Variants in CNR1 observed in about 807,000 individuals in gnomAD.
CNR1 encodes the protein cannabinoid receptor 1 (brain).
CNR1 carries 10 observed loss-of-function variants against 23.0 expected under a neutral mutation model. That is an observed-to-expected ratio of 0.43 (90% CI 0.27 to 0.74). The LOEUF is 0.74. Ranked by LOEUF, CNR1 falls within the 30% of genes least tolerant of loss-of-function variation. CNR1 has a pLI of 0.19. For synonymous variants in CNR1, 271 were observed against 255.2 expected, an observed-to-expected ratio of 1.06 and a Z score of -0.59; for missense variants, 422 against 618.8, an observed-to-expected ratio of 0.68 and a Z score of 3.37.
intron 1 of CNR1, among the ~76,000 whole-genome samples, chr6:88,153,302 T>G (rs1213472529): frequency 6.6e-6 from 1 of 152,236 alleles, no homozygotes; most frequent in African/African-American, 2.4e-5. Context: ...TTTTTTTTAA[T>G]GTTTATCCAG....
upstream of CNR1, among the ~76,000 whole-genome samples, chr6:88,167,080 C>G (rs1470517608): frequency 6.6e-6 from 1 of 151,866 alleles, no homozygotes; most frequent in East Asian, 1.9e-4. Context: ...TCGGGCGCGC[C>G]CCGCCCGCCG....
At chr6:88,152,309 G>C (rs1777572227) in intron 1 of CNR1, among the ~76,000 whole-genome samples, 1 of 151,134 alleles carries the variant, frequency 6.6e-6, no homozygotes, top group Admixed American at 6.6e-5. Context: ...TCCTATCAAA[G>C]CTCATCTAGG....
At chr6:88,158,411 T>C (rs1219152803) in intron 1 of CNR1, among the ~76,000 whole-genome samples, 1 of 152,056 alleles carries the variant, frequency 6.6e-6, no homozygotes, top group Non-Finnish European at 1.5e-5. Context: ...GGGCTGAAAA[T>C]TATAATATAC....
intron 1 of CNR1, among the ~76,000 whole-genome samples, chr6:88,145,750 C>T (rs893518846): frequency 1.3e-5 from 2 of 152,322 alleles, no homozygotes; most frequent in East Asian, 1.9e-4. Flanking sequence ...TGGTTGGGGC[C>T]GGCGAGAGCA....
intron 1 of CNR1, chr6:88,164,237 A>G (rs572165820): frequency 3.9e-5 from 6 of 152,356 alleles, no homozygotes; most frequent in Non-Finnish European, 8.8e-5. Flanking sequence ...ACCTCTCCCC[A>G]TCAGACACTT....
At chr6:88,161,005 G>A (rs776414770) in intron 1 of CNR1, among the ~76,000 whole-genome samples, 5 of 151,974 alleles carry the variant, frequency 3.3e-5, no homozygotes, top group African/African-American at 4.8e-5. Flanking sequence ...TGTATTTTAG[G>A]GCAAATTTAT....
At chr6:88,153,032 A>T (rs1303587923) in intron 1 of CNR1, among the ~76,000 whole-genome samples, 2 of 152,268 alleles carry the variant, frequency 1.3e-5, no homozygotes, top group Non-Finnish European at 2.9e-5. Flanking sequence ...GCTTTAAAAA[A>T]TATAGCCAAC....
intron 1 of CNR1, among the ~76,000 whole-genome samples, chr6:88,161,499 T>G (rs1028496513): frequency 1.3e-5 from 2 of 152,222 alleles, no homozygotes; most frequent in African/African-American, 4.8e-5. Context: ...ATGGAAAATA[T>G]CAATGGAAAC....
Position 88,142,431 on chromosome 6 carries a change from G to A in CNR1, c.*1425C>T, listed in dbSNP as rs562899463. 6 of 152,358 alleles carry A rather than the reference G, an allele frequency of 3.9e-5. No individual in the cohort carries two copies. The highest frequency in any genetic ancestry group is 2.1e-4 in the South Asian group (1 of 4,810). 9.4% of individuals were successfully genotyped at this position (152,358 alleles called of 1,614,324 possible). A position where few individuals can be genotyped will look rare whatever the true frequency, so the allele number is the denominator to read the frequency against. ...GTGACTGACATATTGCTCAATATTC[G>A]GTGCTCAGAAACCAAAGTACTCTCC... On this transcript the variant is annotated 3_prime_UTR_variant, in exon 2 of 2. Transcript: ENST00000369501.
Position 88,144,184 on chromosome 6 carries a change from A to G in CNR1, c.1091T>C (p.Val364Ala). The stretch of plus-strand genomic sequence containing the variant: ...GTTCATCTTCCCAAAGACATCATAC[A>G]CCATGATTGCAAGCAGAGGGCCCCA... Reference protein sequence around the residue: ...ICWGPLLAIMVYDVFGKMNKL... With the variant: ...ICWGPLLAIMAYDVFGKMNKL... The change falls in exon 2 of 2, where the codon GTG becomes GCG. Residue 364 changes from valine (V) to alanine (A), a missense_variant. Val to Ala is a moderately conservative substitution (Grantham distance 64). Coordinates refer to ENST00000369501, the MANE Select transcript of CNR1 (RefSeq NM_016083.6). The surrounding 1 kb of genome is among the most constrained non-coding windows in gnomAD (Gnocchi z 7.8). The G allele has an allele frequency of 1.9e-6, 3 of 1,613,534 alleles. No individual in the cohort carries two copies. Among genetic ancestry groups the G allele is most frequent in the Non-Finnish European group, 2.5e-6 (3 of 1,179,982 alleles).
Position 88,141,529 on chromosome 6 carries a change from C to A in CNR1, c.*2327G>T, listed in dbSNP as rs919549200. 1 of 152,386 alleles carries A rather than the reference C, an allele frequency of 6.6e-6. No individual in the cohort carries two copies. Among genetic ancestry groups the A allele is most frequent in the Non-Finnish European group, 1.5e-5 (1 of 68,050 alleles). The allele number at this position is 152,386 out of a possible 1,614,324, so 9.4% of individuals were successfully genotyped here. A position where few individuals can be genotyped will look rare whatever the true frequency, so the allele number is the denominator to read the frequency against. On this transcript the variant is annotated 3_prime_UTR_variant, in exon 2 of 2. Coordinates refer to ENST00000369501, the MANE Select transcript of CNR1 (RefSeq NM_016083.6). ...CATAGCTGTGAAAAGAGCATTGGTACTGCCTGGTGAGCTCTGAAACATGTG... is the reference window on the plus strand; with the variant it reads ...CATAGCTGTGAAAAGAGCATTGGTAATGCCTGGTGAGCTCTGAAACATGTG...
At chr6:88,148,744 G>A (rs1777350814) in intron 1 of CNR1, among the ~76,000 whole-genome samples, 1 of 152,134 alleles carries the variant, frequency 6.6e-6, no homozygotes, top group African/African-American at 2.4e-5. Flanking sequence ...CTACAGAGAG[G>A]CAAACAAGAA....
chr6:88,166,837 G>GC (rs951593600), upstream of CNR1, among the ~76,000 whole-genome samples: 10 of 151,974 alleles, frequency 6.6e-5, no homozygotes, highest in Non-Finnish European at 1.2e-4. Context: ...GGCGCGCCGG[G>GC]CCCGGGGGTG....
At chr6:88,161,014 A>G (rs1465929834) in intron 1 of CNR1, among the ~76,000 whole-genome samples, 1 of 152,238 alleles carries the variant, frequency 6.6e-6, no homozygotes, top group Non-Finnish European at 1.5e-5. Flanking sequence ...GGGCAAATTT[A>G]TTTGCCTTTT....
chr6:88,152,973 T>C (rs1053900377), intron 1 of CNR1, among the ~76,000 whole-genome samples: 3 of 152,330 alleles, frequency 2.0e-5, no homozygotes, highest in Middle Eastern at 3.4e-3. Context: ...ATTACAGTTA[T>C]AGTAAAAGAA....
rs1291022574 is a variant in CNR1, at chr6:88,140,564, A to T, written c.*3292T>A. 1.3e-5 allele frequency: 2 copies of T among 152,784 alleles called. No homozygotes were observed. The highest frequency in any genetic ancestry group is 4.8e-5 in the African/African-American group (2 of 41,458). The allele number at this position is 152,784 out of a possible 1,614,324, so 9.5% of individuals were successfully genotyped here. On this transcript the variant is annotated 3_prime_UTR_variant, in exon 2 of 2. Coordinates refer to ENST00000369501, the MANE Select transcript of CNR1 (RefSeq NM_016083.6). ...TGTTAATAGCCATTGCCCAGCATTT[A>T]GGAGATTTTAAAATATCATACAAAT...
At chr6:88,166,919 G>C (rs1778393791), upstream of CNR1, among the ~76,000 whole-genome samples, 1 of 151,808 alleles carries the variant, frequency 6.6e-6, no homozygotes, top group Non-Finnish European at 1.5e-5. Context: ...CCCGGGGCCG[G>C]GCTGAGCTTT....
chr6:88,150,401 C>T (rs1777455865), intron 1 of CNR1, among the ~76,000 whole-genome samples: 1 of 152,142 alleles, frequency 6.6e-6, no homozygotes, highest in Non-Finnish European at 1.5e-5. Flanking sequence ...AGAGATACTC[C>T]ATGCATATTC....
At chr6:88,159,770 G>A (rs1460113597) in intron 1 of CNR1, among the ~76,000 whole-genome samples, 1 of 152,120 alleles carries the variant, frequency 6.6e-6, no homozygotes, top group Non-Finnish European at 1.5e-5. Flanking sequence ...TTGTACAAAA[G>A]CTAAAGAAAA....
Sources: allele counts gnomAD v4.1 joint callset (sites outside exome capture counted in the v4.1 genomes callset), GRCh38; gene constraint gnomAD v4.1.1; non-coding constraint Gnocchi (gnomAD v3.1); transcripts MANE v1.5; gene names NCBI Gene and HGNC (gene_info 2026-07-23, HGNC 2026-07-21).